BEND6: variants seen among roughly 807,000 people sequenced by gnomAD.
BEND6 encodes BEN domain containing 6.
Under a neutral mutation model 31.8 loss-of-function variants are expected in BEND6, and 24 were observed. That is an observed-to-expected ratio of 0.75 (90% CI 0.55 to 1.06). BEND6 has a LOEUF of 1.06. Ranked by LOEUF, BEND6 falls within the 50% of genes least tolerant of loss-of-function variation. The pLI, the probability that BEND6 is intolerant of heterozygous loss-of-function variation, is 0.00. For synonymous variants in BEND6, 109 were observed against 114.6 expected (o/e 0.95, Z 0.31); for missense variants, 294 against 327.4 (o/e 0.90, Z 0.79).
chr6:56,964,213 G>A (rs1825389306), intron 1 of BEND6, among the ~76,000 whole-genome samples: 2 of 152,050 alleles, frequency 1.3e-5, no homozygotes, highest in Non-Finnish European at 2.9e-5. Context: ...GCCTATGATT[G>A]TAAGTACTTA....
intron 4 of BEND6, among the ~76,000 whole-genome samples, chr6:57,015,601 T>A (rs1827526666): frequency 6.7e-6 from 1 of 149,192 alleles, no homozygotes; most frequent in South Asian, 2.1e-4. Context: ...ATCGAGACCA[T>A]CCTGGCTAAC....
intron 3 of BEND6, among the ~76,000 whole-genome samples, chr6:57,004,025 C>T (rs1478586254): frequency 6.6e-6 from 1 of 152,062 alleles, no homozygotes; most frequent in Non-Finnish European, 1.5e-5. Context: ...CAAAGGAACA[C>T]ACCTAAAAAT....
intron 2 of BEND6, among the ~76,000 whole-genome samples, chr6:56,988,664 C>T (rs1826377913): frequency 1.3e-5 from 2 of 152,188 alleles, no homozygotes; most frequent in South Asian, 4.1e-4. Context: ...AGACTCCTCA[C>T]CTACCCCATT....
intron 1 of BEND6, among the ~76,000 whole-genome samples, chr6:56,973,878 T>C (rs1825780118): frequency 6.6e-6 from 1 of 152,062 alleles, no homozygotes; most frequent in Non-Finnish European, 1.5e-5. Context: ...CTCAGCCTCC[T>C]GAGTAGCTGG....
rs771193554 is a variant in BEND6 at position 57,018,525 on chromosome 6, C to T, written c.817C>T (p.Leu273Phe). ...CTKKPNLSKN[L>F]NSQDIK The stretch of plus-strand genomic sequence containing the variant: ...CAAGAAGCCAAATTTAAGCAAAAAT[C>T]TTAACTCTCAGGATATTAAATAGAT... The change falls in exon 6 of 7, where the codon CTT becomes TTT. Residue 273 changes from leucine to phenylalanine, a missense_variant. By Grantham distance (22) the Leu-to-Phe change is conservative. Transcript: ENST00000370746. 3.1e-5 allele frequency: 48 copies of T among 1,572,162 alleles called. No homozygotes were observed. The highest frequency in any genetic ancestry group is 4.0e-5 in the Non-Finnish European group (47 of 1,165,146).
intron 4 of BEND6, 112 bp downstream of exon 4, chr6:57,015,465 T>G: frequency 9.4e-7 from 1 of 1,063,548 alleles, no homozygotes; most frequent in Non-Finnish European, 1.3e-6. Flanking sequence ...TAAAATAGTT[T>G]TATTCAATAG....
At chr6:57,007,455 T>A (rs770279463) in intron 3 of BEND6, among the ~76,000 whole-genome samples, 5 of 151,896 alleles carry the variant, frequency 3.3e-5, no homozygotes, top group Non-Finnish European at 7.4e-5. Context: ...GGGGAAACAC[T>A]CCAGGACATT....
chr6:56,979,825 C>G (rs1476976412), intron 1 of BEND6, among the ~76,000 whole-genome samples: 1 of 152,172 alleles, frequency 6.6e-6, no homozygotes, highest in Non-Finnish European at 1.5e-5. Context: ...TTTGTCAACC[C>G]TGTTCTCACA....
intron 3 of BEND6, among the ~76,000 whole-genome samples, chr6:57,000,208 A>C (rs1239414977): frequency 6.6e-6 from 1 of 152,214 alleles, no homozygotes; most frequent in Non-Finnish European, 1.5e-5. Flanking sequence ...GTGTAGAAAG[A>C]AGTAGACATA....
Position 57,017,192 on chromosome 6 carries a change from T to G in BEND6, c.520-15T>G, listed in dbSNP as rs762259986. The G allele has an allele frequency of 1.9e-6, 3 of 1,565,754 alleles. No homozygotes were observed. The East Asian group carries it at 7.4e-5, about 38-fold the overall frequency. On this transcript the variant is annotated splice_polypyrimidine_tract_variant and intron_variant, in intron 4 of 6. Transcript: ENST00000370746. ...ACTTTCTTTTTCCAACTTCAACTCT[T>G]TCTTATCTTTTTAGTTCCAGATTGA...
rs191781773 is a variant in BEND6, at chr6:57,013,649, T to A, written c.299-1484T>A. ...TATCAGGCATGGTCCCAGGAGCTCA[T>A]GATGAGTGGCGAAGATACTCCTGTC... On this transcript the variant is annotated intron_variant, in intron 3 of 6. Transcript: ENST00000370746. 2.8e-3 allele frequency among the ~76,000 whole-genome samples: 431 copies of A among 152,262 alleles called. 1 individual carries two copies. The highest frequency in any genetic ancestry group is 4.6e-3 in the Non-Finnish European group (316 of 68,022).
intron 3 of BEND6, among the ~76,000 whole-genome samples, chr6:57,007,005 T>C (rs1247442944): frequency 6.6e-6 from 1 of 152,162 alleles, no homozygotes; most frequent in African/African-American, 2.4e-5. Context: ...TAAATGGTGC[T>C]GGAGCCAGGC....
intron 2 of BEND6, 42 bp downstream of exon 2, chr6:56,981,972 C>A: frequency 6.4e-7 from 1 of 1,561,190 alleles, no homozygotes; most frequent in South Asian, 1.2e-5. Flanking sequence ...TTATCTAGCT[C>A]AATCATAATT....
At chr6:56,968,832 T>C (rs12216334) in intron 1 of BEND6, among the ~76,000 whole-genome samples, 9,680 of 151,924 alleles carry the variant, frequency 0.064, 443 homozygotes, top group Non-Finnish European at 0.095. Context: ...TCCCAGCACT[T>C]TAGGAGGCTG....
At chr6:57,021,374 T>C (rs80004975) in intron 6 of BEND6, among the ~76,000 whole-genome samples, 1,604 of 152,270 alleles carry the variant, frequency 0.011, 29 homozygotes, top group African/African-American at 0.036. Context: ...ACCAAAAATA[T>C]TCTTTGAAAA....
Position 57,024,062 on chromosome 6 carries a change from T to TA in BEND6, c.*10-2013dup, listed in dbSNP as rs201540135. ...GACGATTTTTATTACAAAGAAGTTTTAAAAAAACTTTATAAAGGGGTTTCT... is the reference window on the plus strand; with the variant it reads ...GACGATTTTTATTACAAAGAAGTTTTAAAAAAAACTTTATAAAGGGGTTTCT... On this transcript the variant is annotated intron_variant, in intron 6 of 6. Transcript: ENST00000370746. Among the ~76,000 whole-genome samples, 245 of 152,334 alleles carry TA rather than the reference T, an allele frequency of 1.6e-3. 3 individuals are homozygous for TA. The East Asian group carries it at 0.043, about 27-fold the overall frequency.
intron 2 of BEND6, among the ~76,000 whole-genome samples, chr6:56,990,996 C>T (rs1826476827): frequency 6.6e-6 from 1 of 152,126 alleles, no homozygotes. Flanking sequence ...ACCTGGTGGA[C>T]ACTCAACAAA....
chr6:56,995,987 A>G (rs991342381), intron 3 of BEND6, among the ~76,000 whole-genome samples: 1 of 152,164 alleles, frequency 6.6e-6, no homozygotes, highest in African/African-American at 2.4e-5. Flanking sequence ...TACCAAAATC[A>G]CCAGCCTTCC....
chr6:57,003,601 A>G (rs894241391), intron 3 of BEND6, among the ~76,000 whole-genome samples: 11 of 152,194 alleles, frequency 7.2e-5, no homozygotes, highest in Non-Finnish European at 1.2e-4. Flanking sequence ...TCTACCAGAC[A>G]TGCAAAGAGC....
Sources: gnomAD v4.1 joint callset for allele counts (sites outside exome capture counted in the v4.1 genomes callset) on GRCh38, gnomAD v4.1.1 for gene constraint, MANE v1.5 for transcripts, NCBI Gene and HGNC (gene_info 2026-07-23, HGNC 2026-07-21) for gene names.